Variants in TAFA5 observed in about 807,000 individuals in gnomAD.
TAFA5 encodes chemokine-like protein TAFA-5.
Under a neutral mutation model 15.3 loss-of-function variants are expected in TAFA5, and 6 were observed. The observed-to-expected ratio is 0.39, with a 90% CI of 0.21 to 0.77. The LOEUF (loss-of-function observed/expected upper bound fraction) is 0.77, where lower values mean the gene tolerates loss of function less well. Among genes scored for constraint, TAFA5 ranks in the 30% least tolerant of loss-of-function variants. The pLI is 0.41. For missense variants in TAFA5, 161 were observed against 193.1 expected (o/e 0.83, Z 0.98); for synonymous variants, 103 against 80.7 (o/e 1.28, Z -1.48).
At chr22:48,582,521 C>CACCACAT (rs1924097995) in intron 1 of TAFA5, among the ~76,000 whole-genome samples, 1 of 150,378 alleles carries the variant, frequency 6.6e-6, no homozygotes, top group Non-Finnish European at 1.5e-5. Context: ...ACACAAAATA[C>CACCACAT]ACCACACACA....
At chr22:48,716,853 G>A (rs866049225) in intron 3 of TAFA5, among the ~76,000 whole-genome samples, 14 of 152,128 alleles carry the variant, frequency 9.2e-5, no homozygotes, top group Non-Finnish European at 2.9e-5. Context: ...GAATGTTGGA[G>A]ACATAAAACT....
intron 3 of TAFA5, among the ~76,000 whole-genome samples, chr22:48,729,445 C>T (rs1476965100): frequency 6.8e-6 from 1 of 146,228 alleles, no homozygotes; most frequent in Non-Finnish European, 1.5e-5. Flanking sequence ...AATTCATAAA[C>T]ATAAATCTGT....
intron 1 of TAFA5, among the ~76,000 whole-genome samples, chr22:48,498,041 A>T (rs542311974): frequency 5.5e-3 from 32 of 5,772 alleles, no homozygotes; most frequent in East Asian, 0.015. Context: ...AGGGTAGGAG[A>T]GGCTGCAAGC....
At chr22:48,494,089 C>G (rs932762618) in intron 1 of TAFA5, among the ~76,000 whole-genome samples, 1 of 152,236 alleles carries the variant, frequency 6.6e-6, no homozygotes, top group African/African-American at 2.4e-5. Flanking sequence ...CAGCTAAGTT[C>G]TGCCCCAGAG....
chr22:48,555,274 C>T (rs577045925), intron 1 of TAFA5, among the ~76,000 whole-genome samples: 8 of 152,190 alleles, frequency 5.3e-5, no homozygotes, highest in East Asian at 3.9e-4. Flanking sequence ...TCTTCCTAAG[C>T]GGCACGACCG....
rs371948041 is a variant in TAFA5, at chr22:48,722,815, T to C, written c.390+14971T>C. 6.6e-5 allele frequency among the ~76,000 whole-genome samples: 10 copies of C among 152,224 alleles called. No individual in the cohort carries two copies. The South Asian group carries it at 8.3e-4, about 13-fold the overall frequency. On this transcript the variant is annotated intron_variant, in intron 3 of 3. Transcript: ENST00000402357. Reference sequence around the variant, plus strand: ...CAGTGAGGTGCTGTCTCCAATCAGCTGGGCTGCACGCCACAGGGCAGTCAT... The same window carrying C: ...CAGTGAGGTGCTGTCTCCAATCAGCCGGGCTGCACGCCACAGGGCAGTCAT...
intron 3 of TAFA5, among the ~76,000 whole-genome samples, chr22:48,743,331 C>T (rs1014666908): frequency 1.3e-5 from 2 of 152,200 alleles, no homozygotes; most frequent in Non-Finnish European, 2.9e-5. Flanking sequence ...CTGCGTGGCT[C>T]CCGCCTCTGT....
At chr22:48,584,746 T>A (rs1924269799) in intron 1 of TAFA5, among the ~76,000 whole-genome samples, 1 of 124,462 alleles carries the variant, frequency 8.0e-6, no homozygotes, top group African/African-American at 3.1e-5. Flanking sequence ...ACACGCACCC[T>A]CCACACACAC....
chr22:48,550,734 T>A lies in TAFA5; in HGVS notation c.112+61030T>A, dbSNP rs1922826694. The stretch of plus-strand genomic sequence containing the variant: ...TGTGGAGTCCGGACAAGGTACATCC[T>A]GATCCAGGGCCCCCTACTCTGATCC... On this transcript the variant is annotated intron_variant, in intron 1 of 3. Coordinates refer to ENST00000402357, the MANE Select transcript of TAFA5 (RefSeq NM_001082967.3). The surrounding 1 kb of genome is among the most constrained non-coding windows in gnomAD (Gnocchi z 4.1). Among the ~76,000 whole-genome samples the A allele has an allele frequency of 6.6e-6, 1 of 152,084 alleles. No individual in the cohort carries two copies. Among genetic ancestry groups the A allele is most frequent in the Non-Finnish European group, 1.5e-5 (1 of 67,998 alleles).
At chr22:48,577,915 C>A (rs5768743) in intron 1 of TAFA5, among the ~76,000 whole-genome samples, 37,416 of 152,138 alleles carry the variant, frequency 0.25, 5,486 homozygotes, top group Middle Eastern at 0.36. Context: ...GGTGGTTCTG[C>A]CATAGGGCAG....
Position 48,606,817 on chromosome 22 carries a change from G to T in TAFA5, c.113-39780G>T, listed in dbSNP as rs184586802. ...TGGTGGGAGGAAAGGGGCCTAGGGC[G>T]CTCTGATGATTTAGTGCTGTCAGAC... On this transcript the variant is annotated intron_variant, in intron 1 of 3. Coordinates refer to ENST00000402357, the MANE Select transcript of TAFA5 (RefSeq NM_001082967.3). Among the ~76,000 whole-genome samples the T allele has an allele frequency of 4.3e-3, 648 of 152,314 alleles. 2 individuals carry two copies. Among genetic ancestry groups the T allele is most frequent in the South Asian group, 0.023 (112 of 4,822 alleles).
chr22:48,536,979 G>A (rs991413906), intron 1 of TAFA5, among the ~76,000 whole-genome samples: 2 of 152,178 alleles, frequency 1.3e-5, no homozygotes, highest in African/African-American at 2.4e-5. Flanking sequence ...ACCTGGGACG[G>A]GGGCTCCCTC....
At chr22:48,579,019 C>G (rs1569032697) in intron 1 of TAFA5, among the ~76,000 whole-genome samples, 1 of 152,172 alleles carries the variant, frequency 6.6e-6, no homozygotes, top group Non-Finnish European at 1.5e-5. Flanking sequence ...TTTAAATAGC[C>G]ATTTTCATGA....
intron 3 of TAFA5, among the ~76,000 whole-genome samples, chr22:48,728,654 A>G (rs181550554): frequency 3.9e-5 from 6 of 152,370 alleles, no homozygotes; most frequent in Non-Finnish European, 8.8e-5. Context: ...AGAGCTACTC[A>G]TCAGTGTATG....
At chr22:48,719,047 C>G (rs931016719) in intron 3 of TAFA5, among the ~76,000 whole-genome samples, 2 of 152,222 alleles carry the variant, frequency 1.3e-5, no homozygotes, top group African/African-American at 2.4e-5. Context: ...CTGTTCTCAA[C>G]GTGGAAGAAA....
intron 1 of TAFA5, among the ~76,000 whole-genome samples, chr22:48,592,267 G>T (rs1425510457): frequency 1.3e-5 from 2 of 152,188 alleles, no homozygotes; most frequent in African/African-American, 2.4e-5. Flanking sequence ...CAGTGGCCCT[G>T]GAGTGAGGCT....
intron 2 of TAFA5, among the ~76,000 whole-genome samples, chr22:48,694,834 G>GCCGCTCCAGACTTCCA (rs1928659590): frequency 7.7e-5 from 3 of 39,134 alleles, no homozygotes; most frequent in African/African-American, 2.2e-4. Flanking sequence ...TCCGACCTCC[G>GCCGCTCCAGACTTCCA]CCCCCACCCC....
At chr22:48,748,705 G>A (rs1930397162) in intron 3 of TAFA5, among the ~76,000 whole-genome samples, 1 of 152,196 alleles carries the variant, frequency 6.6e-6, no homozygotes, top group Non-Finnish European at 1.5e-5. Context: ...AGGAGCTCAG[G>A]AACCGCAGCT....
At chr22:48,743,225 G>A (rs368866593) in intron 3 of TAFA5, among the ~76,000 whole-genome samples, 2 of 150,944 alleles carry the variant, frequency 1.3e-5, no homozygotes, top group Admixed American at 6.6e-5. Flanking sequence ...CTTCCGGTTC[G>A]GGGGTCCAGA....
Sources: allele counts gnomAD v4.1 joint callset (sites outside exome capture counted in the v4.1 genomes callset), GRCh38; gene constraint gnomAD v4.1.1; non-coding constraint Gnocchi (gnomAD v3.1); transcripts MANE v1.5; gene names NCBI Gene and HGNC (gene_info 2026-07-23, HGNC 2026-07-21).